Variants in USP30 observed in about 807,000 individuals in gnomAD.
USP30 encodes the protein ubiquitin specific peptidase 30.
A neutral mutation model predicts 68.2 loss-of-function variants in USP30; 41 were observed. The observed-to-expected ratio is 0.60, with a 90% confidence interval of 0.47 to 0.78. USP30 has a LOEUF of 0.78. Ranked by LOEUF, USP30 falls within the 30% of genes least tolerant of loss-of-function variation. USP30 has a pLI of 0.00. For synonymous variants in USP30, 229 were observed against 253.7 expected (o/e 0.90, Z 0.93); for missense variants, 522 against 649.4 (o/e 0.80, Z 2.13).
Position 109,085,219 on chromosome 12 carries a change from T to C in USP30, c.1289+146T>C, listed in dbSNP as rs1187193940. ...TTTCACGATTACACATTCCTATTTA[T>C]TTTTGTCCAAAATGGAAATAACTTT... On this transcript the variant is annotated intron_variant, in intron 12 of 12. Transcript: ENST00000257548. The C allele has an allele frequency of 3.9e-6, 4 of 1,021,776 alleles. No homozygotes were observed. The East Asian group carries it at 1.1e-4, about 29-fold the overall frequency. The allele number at this position is 1,021,776 out of a possible 1,614,324, so 63.3% of individuals were successfully genotyped here. A position where few individuals can be genotyped will look rare whatever the true frequency, so the allele number is the denominator to read the frequency against.
At chr12:109,029,544 A>T (rs1158958178) in intron 3 of USP30, among the ~76,000 whole-genome samples, 1 of 152,172 alleles carries the variant, frequency 6.6e-6, no homozygotes, top group East Asian at 1.9e-4. Flanking sequence ...TTATTAGGGC[A>T]CACTGTTTTA....
intron 3 of USP30, among the ~76,000 whole-genome samples, chr12:109,044,021 G>T (rs924391779): frequency 6.6e-6 from 1 of 152,214 alleles, no homozygotes; most frequent in Non-Finnish European, 1.5e-5. Flanking sequence ...ATGAGGAATA[G>T]TGTTCAGCCT....
intron 3 of USP30, among the ~76,000 whole-genome samples, chr12:109,061,296 G>A (rs1385905710): frequency 2.0e-5 from 3 of 151,854 alleles, no homozygotes; most frequent in African/African-American, 7.3e-5. Context: ...CCTTCACATG[G>A]GACCCAGTGC....
chr12:109,049,713 G>A (rs2040641576), upstream of USP30, among the ~76,000 whole-genome samples: 1 of 152,124 alleles, frequency 6.6e-6, no homozygotes, highest in Non-Finnish European at 1.5e-5. Context: ...TATTTGGGTG[G>A]CTGAGGCACG....
chr12:109,052,936 G>C, intron 1 of USP30, 175 bp downstream of exon 1: 1 of 541,772 alleles, frequency 1.8e-6, no homozygotes, highest in Non-Finnish European at 2.9e-6. Context: ...GGACTGACGG[G>C]CTCCAGTCCT....
chr12:109,031,063 A>G (rs73413041), intron 3 of USP30, among the ~76,000 whole-genome samples: 3,943 of 152,238 alleles, frequency 0.026, 173 homozygotes, highest in African/African-American at 0.089. Context: ...TAAATCCAAA[A>G]TTATTCCAAA....
Position 109,070,576 on chromosome 12 carries a change from C to T in USP30, c.481-1036C>T, listed in dbSNP as rs1188338306. ...TCTAGTAGTGGAAGCCATTGGAAAGCTAAAAGCAGAAGAGTAAAGCTATCT... is the reference window on the plus strand; with the variant it reads ...TCTAGTAGTGGAAGCCATTGGAAAGTTAAAAGCAGAAGAGTAAAGCTATCT... On this transcript the variant is annotated intron_variant, in intron 4 of 12. Transcript: ENST00000257548. The surrounding 1 kb of genome is among the most constrained non-coding windows in gnomAD (Gnocchi z 4.0). 6.6e-6 allele frequency among the ~76,000 whole-genome samples: 1 copy of T among 152,176 alleles called. No homozygotes were observed. Among genetic ancestry groups the T allele is most frequent in the Non-Finnish European group, 1.5e-5 (1 of 68,034 alleles).
rs540348990 is a variant in USP30 at position 109,044,521 on chromosome 12, TAGCTACTCGCG to T, written c.-135-3066_-135-3056del. ...GCACAAAGGCTCGTGTCTGTAGTCC[TAGCTACTCGCG>T]AGGCTAGGGTGGAAGGATCATCTGA... On this transcript the variant is annotated intron_variant, in intron 3 of 15. Coordinates refer to the USP30 transcript ENST00000392784. Among the ~76,000 whole-genome samples the T allele has an allele frequency of 7.8e-3, 1,182 of 151,864 alleles. 15 individuals are homozygous for T. Among genetic ancestry groups the T allele is most frequent in the African/African-American group, 0.027 (1,121 of 41,436 alleles).
At chr12:109,036,997 T>C (rs565184300) in intron 3 of USP30, among the ~76,000 whole-genome samples, 2 of 152,326 alleles carry the variant, frequency 1.3e-5, no homozygotes, top group East Asian at 3.9e-4. Flanking sequence ...CATCTTTTTT[T>C]CTTCAGGTAT....
At chr12:109,079,344 T>TCTTTTTC (rs2041719623) in intron 7 of USP30, among the ~76,000 whole-genome samples, 1 of 129,682 alleles carries the variant, frequency 7.7e-6, no homozygotes, top group African/African-American at 3.4e-5. Context: ...TTTTTCTTTT[T>TCTTTTTC]TTTTTTCTTT....
intron 3 of USP30, among the ~76,000 whole-genome samples, chr12:109,038,328 C>T (rs532058875): frequency 6.6e-6 from 1 of 152,022 alleles, no homozygotes; most frequent in South Asian, 2.1e-4. Flanking sequence ...CTGTCAAGGA[C>T]ATAATCTCAT....
intron 11 of USP30, 29 bp downstream of exon 11, chr12:109,083,091 A>G: frequency 6.4e-7 from 1 of 1,558,426 alleles, no homozygotes; most frequent in Non-Finnish European, 8.7e-7. Context: ...CCGATGCAGC[A>G]GGAATTTTCA....
chr12:109,069,035 A>G (rs190180485), intron 4 of USP30, among the ~76,000 whole-genome samples: 2 of 152,344 alleles, frequency 1.3e-5, no homozygotes, highest in Admixed American at 1.3e-4. Context: ...ATAACCATGT[A>G]AGGAATTACT....
chr12:109,049,497 C>T (rs952275644), upstream of USP30, among the ~76,000 whole-genome samples: 2 of 152,122 alleles, frequency 1.3e-5, no homozygotes, highest in African/African-American at 2.4e-5. Flanking sequence ...GATCACAGAT[C>T]ACCTTAATAG....
intron 11 of USP30, among the ~76,000 whole-genome samples, chr12:109,084,237 C>A (rs539806898): frequency 6.6e-6 from 1 of 152,120 alleles, no homozygotes; most frequent in Admixed American, 6.5e-5. Context: ...AAAACACACA[C>A]AAAAAATGTC....
intron 7 of USP30, among the ~76,000 whole-genome samples, chr12:109,079,749 TC>T (rs2041740792): frequency 1.3e-5 from 2 of 152,314 alleles, no homozygotes; most frequent in South Asian, 4.1e-4. Context: ...TTATAGAATT[TC>T]CATTGCCTTC....
intron 3 of USP30, among the ~76,000 whole-genome samples, chr12:109,037,423 C>T (rs549850882): frequency 6.6e-6 from 1 of 152,282 alleles, no homozygotes; most frequent in Non-Finnish European, 1.5e-5. Context: ...CTTCCTCAAA[C>T]ACAATTTTTA....
chr12:109,075,921 G>T, intron 7 of USP30, among the ~76,000 whole-genome samples: 1 of 144,356 alleles, frequency 6.9e-6, no homozygotes, highest in Admixed American at 7.0e-5. Context: ...ATTCAATTTT[G>T]GATATTAACC....
At chr12:109,048,963 G>A (rs978171201), upstream of USP30, among the ~76,000 whole-genome samples, 2 of 152,014 alleles carry the variant, frequency 1.3e-5, no homozygotes, top group African/African-American at 4.8e-5. Context: ...TAAGGAAGAG[G>A]GTATAAGGAG....
Sources: allele counts gnomAD v4.1 joint callset (sites outside exome capture counted in the v4.1 genomes callset), GRCh38; gene constraint gnomAD v4.1.1; non-coding constraint Gnocchi (gnomAD v3.1); transcripts MANE v1.5; gene names NCBI Gene and HGNC (gene_info 2026-07-23, HGNC 2026-07-21).